The following DENND4C variants were observed in gnomAD, a reference collection of about 807,000 sequenced individuals.
DENND4C encodes the protein DENN domain containing 4C, also known as DENN domain-containing protein 4C.
In DENND4C, 108 loss-of-function variants were observed where a neutral mutation model predicts 203.0. That is an observed-to-expected ratio of 0.53 (90% CI 0.46 to 0.62). The LOEUF is 0.62. DENND4C is among the 20% of genes least tolerant of loss of function. The pLI, the probability that DENND4C is intolerant of heterozygous loss-of-function variation, is 0.00. For synonymous variants in DENND4C, 871 were observed against 792.4 expected (o/e 1.10, Z -1.67); for missense variants, 2,481 against 2,301.2 (o/e 1.08, Z -1.60).
At chr9:19,309,895 C>T (rs1840408795) in intron 10 of DENND4C, among the ~76,000 whole-genome samples, 2 of 152,132 alleles carry the variant, frequency 1.3e-5, no homozygotes, top group East Asian at 1.9e-4. Context: ...TTTTGACACA[C>T]GTTGAAAATA....
At chr9:19,307,573 C>T (rs891648495) in intron 10 of DENND4C, among the ~76,000 whole-genome samples, 5 of 151,582 alleles carry the variant, frequency 3.3e-5, no homozygotes, top group Admixed American at 6.6e-5. Flanking sequence ...AGTTCAAGAC[C>T]ACCCTGGCCA....
At chr9:19,279,248 G>C (rs1345232177) in intron 2 of DENND4C, among the ~76,000 whole-genome samples, 1 of 83,844 alleles carries the variant, frequency 1.2e-5, no homozygotes, top group Non-Finnish European at 2.5e-5. Flanking sequence ...AGAATCACTT[G>C]AACCCGGGAG....
rs139210694 is a variant in DENND4C at position 19,314,184 on chromosome 9, G to A, written c.1488-2233G>A. Among the ~76,000 whole-genome samples the A allele has an allele frequency of 4.6e-3, 695 of 152,336 alleles. 4 individuals carry two copies. The highest frequency in any genetic ancestry group is 5.3e-3 in the Non-Finnish European group (363 of 68,020). ...AAGACTACACATGAGGCCAGGCGCA[G>A]TGGCTCATGCCTGTAGCCCCAGCAC... On this transcript the variant is annotated intron_variant, in intron 10 of 32. Coordinates refer to ENST00000434457, the MANE Select transcript of DENND4C (RefSeq NM_001330640.2).
chr9:19,360,524 C>T (rs1563841612), intron 29 of DENND4C, 35 bp downstream of exon 29: 2 of 1,612,490 alleles, frequency 1.2e-6, no homozygotes, highest in South Asian at 1.1e-5. Context: ...CATTAGTATT[C>T]AGTAGGATGA....
chr9:19,234,073 A>G (rs1442755767), intron 1 of DENND4C, among the ~76,000 whole-genome samples: 1 of 152,118 alleles, frequency 6.6e-6, no homozygotes, highest in Non-Finnish European at 1.5e-5. Flanking sequence ...ATGTTAATAT[A>G]ATTGTCTTTT....
Position 19,372,043 on chromosome 9 carries a change from T to C in DENND4C, c.5747T>C (p.Phe1916Ser). The C allele has an allele frequency of 6.2e-7, 1 of 1,601,610 alleles. No individual in the cohort carries two copies. Among genetic ancestry groups the C allele is most frequent in the Non-Finnish European group, 8.5e-7 (1 of 1,175,374 alleles). ...LGRENIDIEA[F>S]DNEYGIAYNS... is the part of the protein sequence containing the mutation. ...TTTTGAAAATTTCTTTCAGAGGCAT[T>C]TGACAATGAATATGGAATTGCATAC... The change falls in exon 33 of 33, where the codon TTT becomes TCT. Residue 1916 changes from phenylalanine (F) to serine (S), a missense_variant. Physicochemically the swap from Phe to Ser is radical, Grantham distance 155. Coordinates refer to ENST00000434457, the MANE Select transcript of DENND4C (RefSeq NM_001330640.2).
intron 5 of DENND4C, among the ~76,000 whole-genome samples, chr9:19,294,317 G>C (rs561844297): frequency 8.6e-5 from 13 of 152,002 alleles, no homozygotes; most frequent in Non-Finnish European, 1.6e-4. Context: ...AGAAAGCAGA[G>C]AAATTTGTAC....
At chr9:19,278,370 C>A (rs1358736556) in intron 2 of DENND4C, among the ~76,000 whole-genome samples, 1 of 152,052 alleles carries the variant, frequency 6.6e-6, no homozygotes, top group Non-Finnish European at 1.5e-5. Context: ...AACTCCTGAC[C>A]TTAGGGGATC....
intron 13 of DENND4C, among the ~76,000 whole-genome samples, chr9:19,325,738 G>C (rs527303954): frequency 2.6e-5 from 4 of 152,080 alleles, no homozygotes; most frequent in Admixed American, 6.5e-5. Flanking sequence ...AATCAAAATA[G>C]TTTTCTATCC....
intron 23 of DENND4C, among the ~76,000 whole-genome samples, chr9:19,349,825 A>G (rs1198039337): frequency 6.6e-6 from 1 of 152,228 alleles, no homozygotes; most frequent in Non-Finnish European, 1.5e-5. Context: ...TAATGACATT[A>G]AAATAATTAC....
At chr9:19,245,957 A>T (rs2891131) in intron 1 of DENND4C, among the ~76,000 whole-genome samples, 132,571 of 151,666 alleles carry the variant, frequency 0.87, 57,996 homozygotes, top group Admixed American at 0.91. Flanking sequence ...CTTGGAATCC[A>T]ATTTTTTTTT....
At chr9:19,336,181 A>ATG (rs1233275215) in intron 18 of DENND4C, 89 bp from the exon 19 acceptor site, 18 of 1,175,396 alleles carry the variant, frequency 1.5e-5, no homozygotes, top group Non-Finnish European at 2.1e-5. Flanking sequence ...GTATATATAT[A>ATG]TATAAACATA....
chr9:19,234,652 CT>C (rs1315747024), intron 1 of DENND4C, among the ~76,000 whole-genome samples: 2 of 151,812 alleles, frequency 1.3e-5, no homozygotes, highest in East Asian at 1.9e-4. Flanking sequence ...CCTTAGCCCC[CT>C]AATAGCTGGG....
At chr9:19,345,869 A>C in intron 22 of DENND4C, 52 bp from the exon 23 acceptor site, 1 of 1,435,134 alleles carries the variant, frequency 7.0e-7, no homozygotes, top group African/African-American at 1.4e-5. Flanking sequence ...TATTTTAATA[A>C]AAGTTAACTT....
At chr9:19,357,597 A>G in intron 27 of DENND4C, 1 of 212,304 alleles carries the variant, frequency 4.7e-6, no homozygotes, top group Non-Finnish European at 9.5e-6. Flanking sequence ...CCTAGTAGAG[A>G]TTAAATACTT....
chr9:19,244,655 G>A (rs999083465), intron 1 of DENND4C, among the ~76,000 whole-genome samples: 5 of 151,180 alleles, frequency 3.3e-5, no homozygotes, highest in South Asian at 2.1e-4. Flanking sequence ...CAGGAGAATC[G>A]CTTGAACCCG....
intron 1 of DENND4C, among the ~76,000 whole-genome samples, chr9:19,239,520 A>G (rs1431177184): frequency 6.6e-6 from 1 of 151,422 alleles, no homozygotes; most frequent in Non-Finnish European, 1.5e-5. Flanking sequence ...GCTGGAGTGC[A>G]GTGGCACTCC....
intron 9 of DENND4C, among the ~76,000 whole-genome samples, chr9:19,300,868 C>T (rs1013762082): frequency 3.3e-5 from 5 of 152,184 alleles, no homozygotes; most frequent in Non-Finnish European, 5.9e-5. Flanking sequence ...AACCCTTTGG[C>T]TTCCCATTGC....
At chr9:19,361,809 T>A (rs747314637) in intron 29 of DENND4C, 37 bp from the exon 30 acceptor site, 7 of 1,259,368 alleles carry the variant, frequency 5.6e-6, no homozygotes, top group Non-Finnish European at 8.1e-6. Flanking sequence ...TAATTGTTAT[T>A]CTCGGGATAC....
Sources: allele counts gnomAD v4.1 joint callset (sites outside exome capture counted in the v4.1 genomes callset), GRCh38; gene constraint gnomAD v4.1.1; transcripts MANE v1.5; gene names NCBI Gene and HGNC (gene_info 2026-07-23, HGNC 2026-07-21).